LRP6: variants seen among roughly 807,000 people sequenced by gnomAD.
LRP6 encodes the protein LDL receptor related protein 6, also known as low-density lipoprotein receptor-related protein 6.
In LRP6, 43 loss-of-function variants were observed where a neutral mutation model predicts 184.1. The observed-to-expected ratio is 0.23, with a 90% CI of 0.18 to 0.30. LRP6 has a LOEUF of 0.30. LRP6 is among the 10% of genes least tolerant of loss of function. The pLI is 1.00. For synonymous variants in LRP6, 719 were observed against 684.9 expected (o/e 1.05, Z -0.78); for missense variants, 1,571 against 2,005.3 (o/e 0.78, Z 4.14).
Position 12,217,639 on chromosome 12 carries a change from T to TAC in LRP6, c.450-14241_450-14240dup, listed in dbSNP as rs201239846. On this transcript the variant is annotated intron_variant, in intron 2 of 22. Coordinates refer to ENST00000261349, the MANE Select transcript of LRP6 (RefSeq NM_002336.3). ...CAGATTTCCCTATTGCTAAACATAC[T>TAC]ACAAAGCCACAGTAATCAAGACAGT... is the stretch of plus-strand genomic sequence containing the variant. 2.4e-3 allele frequency among the ~76,000 whole-genome samples: 371 copies of TAC among 152,068 alleles called. 1 individual carries two copies. The highest frequency in any genetic ancestry group is 8.1e-3 in the African/African-American group (337 of 41,484).
Position 12,117,073 on chromosome 12 carries a change from C to T in LRP6, c.*4053G>A, listed in dbSNP as rs1011857611. On this transcript the variant is annotated 3_prime_UTR_variant, in exon 23 of 23. Coordinates refer to ENST00000261349, the MANE Select transcript of LRP6 (RefSeq NM_002336.3). ...TGAAACTATTATAAAATGGTGCCAT[C>T]CCAAAAGTCAGAAGCCACACATGCA... is the stretch of plus-strand genomic sequence containing the variant. 1 of 152,140 alleles carries T rather than the reference C, an allele frequency of 6.6e-6. No individual in the cohort carries two copies. The highest frequency in any genetic ancestry group is 2.4e-5 in the African/African-American group (1 of 41,440). 9.4% of individuals were successfully genotyped at this position (152,140 alleles called of 1,614,324 possible).
At chr12:12,200,984 T>A (rs1863899220) in intron 3 of LRP6, among the ~76,000 whole-genome samples, 2 of 152,212 alleles carry the variant, frequency 1.3e-5, no homozygotes, top group African/African-American at 4.8e-5. Context: ...GATTTTACCT[T>A]GATACTTTTC....
At chr12:12,132,121 C>CA in intron 17 of LRP6, 64 bp from the exon 18 acceptor site, 1 of 979,692 alleles carries the variant, frequency 1.0e-6, no homozygotes, top group Middle Eastern at 2.4e-4. Context: ...GAAGTACAAA[C>CA]ACATACCTGA....
In LRP6 at chr12:12,159,174, TAG is replaced by T. The variant is rs1206347344; in HGVS notation, c.2465-21_2465-20del. On this transcript the variant is annotated intron_variant, in intron 11 of 22. Coordinates refer to ENST00000261349, the MANE Select transcript of LRP6 (RefSeq NM_002336.3). ...TTGAGCCCTATTTTCAGAAAGGCAG[TAG>T]ACAGGGGAGAAGCAGAGTGATGAAA... 3.1e-6 allele frequency: 5 copies of T among 1,590,134 alleles called. No homozygotes were observed. The highest frequency in any genetic ancestry group is 1.3e-5 in the African/African-American group (1 of 74,122).
chr12:12,130,653 A>G (rs1204146091), intron 19 of LRP6, 130 bp downstream of exon 19: 3 of 653,318 alleles, frequency 4.6e-6, no homozygotes, highest in African/African-American at 1.8e-5. Flanking sequence ...AAACCTTCAC[A>G]CAAATAATTA....
At chr12:12,231,648 A>G (rs1864791427) in intron 2 of LRP6, among the ~76,000 whole-genome samples, 1 of 152,106 alleles carries the variant, frequency 6.6e-6, no homozygotes, top group Non-Finnish European at 1.5e-5. Flanking sequence ...TCATGCCTGT[A>G]GTCCCAGAAG....
chr12:12,238,460 T>C (rs1864978586), intron 2 of LRP6, among the ~76,000 whole-genome samples: 1 of 152,006 alleles, frequency 6.6e-6, no homozygotes, highest in African/African-American at 2.4e-5. Context: ...TAAATAAAAA[T>C]ATATCCACAT....
chr12:12,231,245 G>C (rs79292634), intron 2 of LRP6, among the ~76,000 whole-genome samples: 7,697 of 144,580 alleles, frequency 0.053, 220 homozygotes, highest in Middle Eastern at 0.16. Context: ...GACGACCCTG[G>C]ATTTTCTGAT....
rs150432884 is a variant in LRP6 at position 12,171,532 on chromosome 12, AAAATAAATAAAT to A, written c.1546-6249_1546-6238del. Among the ~76,000 whole-genome samples, 256 of 147,424 alleles carry A rather than the reference AAAATAAATAAAT, an allele frequency of 1.7e-3. 3 individuals carry two copies. The highest frequency in any genetic ancestry group is 0.01 in the South Asian group (47 of 4,548). On this transcript the variant is annotated intron_variant, in intron 7 of 22. Coordinates refer to ENST00000261349, the MANE Select transcript of LRP6 (RefSeq NM_002336.3). The stretch of plus-strand genomic sequence containing the variant: ...GTGAAACTCAGTCTCAAAAAAAAAT[AAAATAAATAAAT>A]AAATAAATAAATAAATAAATAAATA...
intron 7 of LRP6, among the ~76,000 whole-genome samples, chr12:12,165,672 A>T (rs371185686): frequency 1.3e-5 from 2 of 152,188 alleles, no homozygotes; most frequent in South Asian, 4.1e-4. Flanking sequence ...ATTTTGTTTT[A>T]TAACATCTTT....
At chr12:12,260,942 C>T (rs1226962353) in intron 1 of LRP6, among the ~76,000 whole-genome samples, 1 of 152,228 alleles carries the variant, frequency 6.6e-6, no homozygotes, top group Non-Finnish European at 1.5e-5. Context: ...TTCCAGTATG[C>T]GCAAAATATT....
chr12:12,197,008 C>T (rs772781394), intron 3 of LRP6, among the ~76,000 whole-genome samples: 4 of 152,092 alleles, frequency 2.6e-5, no homozygotes, highest in Non-Finnish European at 4.4e-5. Context: ...ATTTTGTTAG[C>T]CAGAGGTACA....
chr12:12,170,496 AG>A (rs1863005199), intron 7 of LRP6, among the ~76,000 whole-genome samples: 1 of 152,114 alleles, frequency 6.6e-6, no homozygotes, highest in South Asian at 2.1e-4. Context: ...TTACAATTAA[AG>A]TACATCCTAA....
chr12:12,158,788 T>C, intron 12 of LRP6, 41 bp downstream of exon 12: 3 of 1,590,850 alleles, frequency 1.9e-6, no homozygotes, highest in Non-Finnish European at 2.6e-6. Flanking sequence ...AAATGCTGCT[T>C]TCTCTCATTC....
intron 2 of LRP6, among the ~76,000 whole-genome samples, chr12:12,205,341 A>AC (rs1864029028): frequency 7.0e-6 from 1 of 142,710 alleles, no homozygotes; most frequent in African/African-American, 2.8e-5. Context: ...AAAAAAAAAA[A>AC]AAAAAAAAAA....
Position 12,120,948 on chromosome 12 carries a change from T to A in LRP6, c.*178A>T. On this transcript the variant is annotated 3_prime_UTR_variant, in exon 23 of 23. Coordinates refer to ENST00000261349, the MANE Select transcript of LRP6 (RefSeq NM_002336.3). ...GCAAATCTGCTGTTTTAAGAAAATA[T>A]ATAAATATCCTTTTCTTCTGTACAA... is the stretch of plus-strand genomic sequence containing the variant. 2.0e-6 allele frequency: 1 copy of A among 501,418 alleles called. No individual in the cohort carries two copies. The highest frequency in any genetic ancestry group is 3.4e-6 in the Non-Finnish European group (1 of 297,122). 31.1% of individuals were successfully genotyped at this position (501,418 alleles called of 1,614,324 possible). A position where few individuals can be genotyped will look rare whatever the true frequency, so the allele number is the denominator to read the frequency against.
chr12:12,251,207 C>T (rs1865317073), intron 1 of LRP6, among the ~76,000 whole-genome samples: 1 of 152,206 alleles, frequency 6.6e-6, no homozygotes, highest in Non-Finnish European at 1.5e-5. Flanking sequence ...GCTGGGATTA[C>T]AGGCGTGAGC....
chr12:12,148,916 A>G, intron 14 of LRP6, 26 bp downstream of exon 14: 1 of 1,559,716 alleles, frequency 6.4e-7, no homozygotes, highest in Non-Finnish European at 8.8e-7. Context: ...AAGCCACAGT[A>G]TCTGAACGCC....
Position 12,149,158 on chromosome 12 carries a change from G to C in LRP6, c.2995-5C>G. On this transcript the variant is annotated splice_polypyrimidine_tract_variant and splice_region_variant and intron_variant, in intron 13 of 22. Coordinates refer to ENST00000261349, the MANE Select transcript of LRP6 (RefSeq NM_002336.3). The stretch of plus-strand genomic sequence containing the variant: ...GCTCACAACCACAGTAAAGCCCTAG[G>C]GAAAAAAAGAAATACAGAGAAAATT... 6.2e-7 allele frequency: 1 copy of C among 1,612,648 alleles called. No individual in the cohort carries two copies. The highest frequency in any genetic ancestry group is 8.5e-7 in the Non-Finnish European group (1 of 1,178,956).
Sources: allele counts gnomAD v4.1 joint callset (sites outside exome capture counted in the v4.1 genomes callset), GRCh38; gene constraint gnomAD v4.1.1; transcripts MANE v1.5; gene names NCBI Gene and HGNC (gene_info 2026-07-23, HGNC 2026-07-21).